The following FIRRM variants were observed in gnomAD, a reference collection of about 807,000 sequenced individuals.
FIRRM encodes FIGNL1 interacting regulator of recombination and mitosis.
chr1:169,849,617 C>G, the FIRRM span: 1 of 1,571,800 alleles, frequency 6.4e-7, no homozygotes, highest in South Asian at 1.1e-5. Context: ...AATTATAAAA[C>G]TGATTTATCA....
chr1:169,849,966 T>G, the FIRRM span: 2 of 471,334 alleles, frequency 4.2e-6, no homozygotes, highest in Non-Finnish European at 7.6e-6. Flanking sequence ...ACCTGTAAGA[T>G]GGGTTGCTCC....
the FIRRM span, among the ~76,000 whole-genome samples, chr1:169,789,176 G>T: frequency 6.6e-6 from 1 of 152,102 alleles, no homozygotes; most frequent in African/African-American, 2.4e-5. Flanking sequence ...TCATAACCAT[G>T]GTATAAAAAA....
chr1:169,792,437 A>G, the FIRRM span: 1 of 718,622 alleles, frequency 1.4e-6, no homozygotes, highest in Non-Finnish European at 2.2e-6. Flanking sequence ...GACTGGTAAC[A>G]TAGCTCACTT....
At chr1:169,825,089 C>T in the FIRRM span, among the ~76,000 whole-genome samples, 1 of 152,174 alleles carries the variant, frequency 6.6e-6, no homozygotes, top group Admixed American at 6.5e-5. Flanking sequence ...CTTCAGTGCA[C>T]ACACGCACAC....
chr1:169,827,917 A>T, the FIRRM span: 1 of 1,490,706 alleles, frequency 6.7e-7, no homozygotes, highest in Non-Finnish European at 9.1e-7. Flanking sequence ...CTTGAAATTA[A>T]GTTTGTGTGT....
chr1:169,801,703 G>T, the FIRRM span, among the ~76,000 whole-genome samples: 1 of 151,704 alleles, frequency 6.6e-6, no homozygotes, highest in South Asian at 2.1e-4. Flanking sequence ...GATATATATG[G>T]TATATGTTTT....
the FIRRM span, chr1:169,804,111 G>A: frequency 6.5e-7 from 1 of 1,547,212 alleles, no homozygotes. Flanking sequence ...TTTACACCTA[G>A]TTTCAGACCT....
the FIRRM span, chr1:169,827,229 T>G: frequency 6.3e-7 from 1 of 1,586,726 alleles, no homozygotes; most frequent in Non-Finnish European, 8.6e-7. Context: ...TAATGATAAA[T>G]CATCTATTAT....
chr1:169,838,181 T>C, the FIRRM span, among the ~76,000 whole-genome samples: 127 of 152,256 alleles, frequency 8.3e-4, no homozygotes, highest in African/African-American at 3.0e-3. Flanking sequence ...TCAGGTAATC[T>C]ACCCTCCTTG....
At chr1:169,830,856 G>C in the FIRRM span, 3 of 1,022,428 alleles carry the variant, frequency 2.9e-6, no homozygotes, top group Non-Finnish European at 4.6e-6. Flanking sequence ...ACAGTAACAA[G>C]ATTGTTTTGA....
chr1:169,852,024 C>T, the FIRRM span: 13 of 1,562,216 alleles, frequency 8.3e-6, no homozygotes, highest in Non-Finnish European at 1.1e-5. Context: ...GTGTGGTTTC[C>T]AGCCTTATGC....
At chr1:169,853,955 A>G in the FIRRM span, 17 of 676,500 alleles carry the variant, frequency 2.5e-5, no homozygotes, top group African/African-American at 2.5e-4. Context: ...AAACCATGGC[A>G]CTGGAAAATA....
the FIRRM span, among the ~76,000 whole-genome samples, chr1:169,811,446 G>T: frequency 1.3e-5 from 2 of 152,088 alleles, no homozygotes; most frequent in African/African-American, 2.4e-5. Flanking sequence ...TTGAGCCCAG[G>T]AGTTTGAGAC....
the FIRRM span, among the ~76,000 whole-genome samples, chr1:169,838,709 C>T: frequency 1.7e-3 from 260 of 152,180 alleles, no homozygotes; most frequent in African/African-American, 6.0e-3. Context: ...AGGCTGGTCT[C>T]GAACTCCTGA....
At chr1:169,818,426 C>T in the FIRRM span, among the ~76,000 whole-genome samples, 1 of 152,318 alleles carries the variant, frequency 6.6e-6, no homozygotes, top group African/African-American at 2.4e-5. Flanking sequence ...AACCTAATAT[C>T]TAACCTGCCT....
chr1:169,809,540 A>G, the FIRRM span, among the ~76,000 whole-genome samples: 3 of 152,230 alleles, frequency 2.0e-5, no homozygotes, highest in Non-Finnish European at 4.4e-5. Context: ...AGTCTAAACA[A>G]CAGTATAGTC....
chr1:169,816,281 ATC>A, the FIRRM span, among the ~76,000 whole-genome samples: 1 of 152,124 alleles, frequency 6.6e-6, no homozygotes, highest in Non-Finnish European at 1.5e-5. Flanking sequence ...TCACATTACC[ATC>A]TCTCTTGTTT....
the FIRRM span, chr1:169,850,502 A>G: frequency 1.8e-6 from 1 of 569,978 alleles, no homozygotes; most frequent in East Asian, 2.9e-5. Flanking sequence ...AGGCCACAGA[A>G]GTAAAACACT....
chr1:169,814,982 C>T, the FIRRM span, among the ~76,000 whole-genome samples: 20 of 150,244 alleles, frequency 1.3e-4, no homozygotes, highest in African/African-American at 3.9e-4. Context: ...TTTTGTAAAG[C>T]GAAAGCAAGT....
Sources: gnomAD v4.1 joint callset for allele counts (sites outside exome capture counted in the v4.1 genomes callset) on GRCh38, gnomAD v4.1.1 for gene constraint, MANE v1.5 for transcripts, NCBI Gene and HGNC (gene_info 2026-07-23, HGNC 2026-07-21) for gene names.